SHROOM3: variants seen among roughly 807,000 people sequenced by gnomAD.
SHROOM3 encodes shroom family member 3, also known as protein Shroom3.
Under a neutral mutation model 138.6 loss-of-function variants are expected in SHROOM3, and 47 were observed. That is an observed-to-expected ratio of 0.34 (90% CI 0.27 to 0.43). SHROOM3 has a LOEUF of 0.43. Ranked by LOEUF, SHROOM3 falls within the 20% of genes least tolerant of loss-of-function variation. The probability of loss-of-function intolerance (pLI) is 1.00; values close to 1 mark genes in which losing one functional copy is unlikely to be tolerated. For missense variants in SHROOM3, 2,491 were observed against 2,596.5 expected, an observed-to-expected ratio of 0.96 and a Z score of 0.88; for synonymous variants, 1,062 against 1,063.3, an observed-to-expected ratio of 1.00 and a Z score of 0.02.
chr4:76,663,260 C>T (rs754738218), intron 2 of SHROOM3, among the ~76,000 whole-genome samples: 4 of 151,984 alleles, frequency 2.6e-5, no homozygotes, highest in Non-Finnish European at 5.9e-5. Context: ...TTGGGTCTGG[C>T]ATGTTCATGC....
At chr4:76,529,547 G>A (rs1253585025) in intron 1 of SHROOM3, among the ~76,000 whole-genome samples, 4 of 151,944 alleles carry the variant, frequency 2.6e-5, no homozygotes, top group African/African-American at 7.3e-5. Flanking sequence ...GGATGGTCTC[G>A]ATCTCCTGAC....
chr4:76,523,444 G>C (rs572261165), intron 1 of SHROOM3, among the ~76,000 whole-genome samples: 2 of 152,250 alleles, frequency 1.3e-5, no homozygotes, highest in East Asian at 3.9e-4. Context: ...AGGGTGTATA[G>C]GATGGGAGCA....
Position 76,780,005 on chromosome 4 carries a change from T to C in SHROOM3, c.*828T>C, listed in dbSNP as rs1312167873. 1 of 152,276 alleles carries C rather than the reference T, an allele frequency of 6.6e-6. No individual in the cohort carries two copies. The highest frequency in any genetic ancestry group is 1.5e-5 in the Non-Finnish European group (1 of 68,044). The allele number at this position is 152,276 out of a possible 1,614,324, so 9.4% of individuals were successfully genotyped here. A position where few individuals can be genotyped will look rare whatever the true frequency, so the allele number is the denominator to read the frequency against. ...TCACTGGTGGGGAAACAAAGCTAAATTTTATTAACAAAGACAACTCTCAGA... is the reference window on the plus strand; with the variant it reads ...TCACTGGTGGGGAAACAAAGCTAAACTTTATTAACAAAGACAACTCTCAGA... On this transcript the variant is annotated 3_prime_UTR_variant, in exon 11 of 11. Transcript: ENST00000296043.
At chr4:76,690,913 A>C (rs1486860654) in intron 2 of SHROOM3, among the ~76,000 whole-genome samples, 1 of 152,220 alleles carries the variant, frequency 6.6e-6, no homozygotes, top group Non-Finnish European at 1.5e-5. Context: ...TTGACAAGGA[A>C]ATAAACTTAC....
At chr4:76,544,932 A>G (rs1180627686) in intron 1 of SHROOM3, among the ~76,000 whole-genome samples, 2 of 152,162 alleles carry the variant, frequency 1.3e-5, no homozygotes, top group Non-Finnish European at 2.9e-5. Flanking sequence ...TTGCCTCCCT[A>G]TGAAACCCTG....
At chr4:76,643,875 G>A (rs981264617) in intron 2 of SHROOM3, among the ~76,000 whole-genome samples, 13 of 151,996 alleles carry the variant, frequency 8.6e-5, no homozygotes, top group African/African-American at 3.1e-4. Context: ...ACGGAGTTTT[G>A]CTCTTGTTGC....
intron 1 of SHROOM3, among the ~76,000 whole-genome samples, chr4:76,456,208 T>G (rs985261462): frequency 2.6e-5 from 4 of 152,170 alleles, no homozygotes; most frequent in African/African-American, 9.7e-5. Context: ...GGTTTCACCA[T>G]GTTGGCCAGG....
At chr4:76,614,025 GT>G (rs1734819517) in intron 2 of SHROOM3, among the ~76,000 whole-genome samples, 1 of 132,394 alleles carries the variant, frequency 7.6e-6, no homozygotes, top group African/African-American at 2.9e-5. Context: ...CCCCTTTTTC[GT>G]TTTTTGTTTT....
chr4:76,504,416 C>T (rs1311654926), intron 1 of SHROOM3, among the ~76,000 whole-genome samples: 2 of 152,174 alleles, frequency 1.3e-5, no homozygotes, highest in African/African-American at 4.8e-5. Context: ...GCCTCGGCCT[C>T]CCAAAGTGCT....
chr4:76,580,552 G>A (rs1226986111), intron 2 of SHROOM3, among the ~76,000 whole-genome samples: 1 of 146,892 alleles, frequency 6.8e-6, no homozygotes, highest in African/African-American at 2.5e-5. Context: ...TCAGCCTCCC[G>A]AGTAGCTGGG....
At chr4:76,584,709 C>G (rs1027993242) in intron 2 of SHROOM3, among the ~76,000 whole-genome samples, 2 of 152,190 alleles carry the variant, frequency 1.3e-5, no homozygotes, top group African/African-American at 4.8e-5. Flanking sequence ...AAATGAATTG[C>G]ACGGCCTGGC....
At chr4:76,526,073 A>G (rs749485886) in intron 1 of SHROOM3, among the ~76,000 whole-genome samples, 20 of 152,228 alleles carry the variant, frequency 1.3e-4, no homozygotes, top group Non-Finnish European at 2.2e-4. Context: ...CCTGTGATAT[A>G]AAAATAAATG....
intron 4 of SHROOM3, among the ~76,000 whole-genome samples, chr4:76,733,181 A>G (rs1370945350): frequency 6.6e-6 from 1 of 152,202 alleles, no homozygotes; most frequent in Admixed American, 6.5e-5. Flanking sequence ...TGCAATCAGT[A>G]CTTAGAATGA....
chr4:76,463,496 C>A (rs1237547139), intron 1 of SHROOM3, among the ~76,000 whole-genome samples: 1 of 152,114 alleles, frequency 6.6e-6, no homozygotes, highest in Non-Finnish European at 1.5e-5. Flanking sequence ...AAAGAAAAAC[C>A]CATTTTCTGG....
At chr4:76,464,300 C>T (rs768836379) in intron 1 of SHROOM3, among the ~76,000 whole-genome samples, 13 of 152,190 alleles carry the variant, frequency 8.5e-5, no homozygotes, top group African/African-American at 2.4e-4. Context: ...TGCTGGGTTT[C>T]GCACTTGCAT....
intron 1 of SHROOM3, among the ~76,000 whole-genome samples, chr4:76,470,261 TTG>T (rs1239391435): frequency 2.0e-5 from 3 of 152,188 alleles, no homozygotes; most frequent in Admixed American, 2.0e-4. Flanking sequence ...CAAGTGAGTT[TTG>T]TGTGTGAAAG....
intron 10 of SHROOM3, among the ~76,000 whole-genome samples, chr4:76,772,260 T>A (rs1421287871): frequency 6.6e-6 from 1 of 151,954 alleles, no homozygotes; most frequent in Non-Finnish European, 1.5e-5. Context: ...CGCACCACCA[T>A]GCCCAGCTAA....
At chr4:76,681,848 G>A (rs1719210766) in intron 2 of SHROOM3, among the ~76,000 whole-genome samples, 1 of 152,056 alleles carries the variant, frequency 6.6e-6, no homozygotes, top group African/African-American at 2.4e-5. Flanking sequence ...TCCAGCCCAG[G>A]TGTACCACAC....
At chr4:76,446,842 C>A (rs1341992128) in intron 1 of SHROOM3, among the ~76,000 whole-genome samples, 1 of 152,176 alleles carries the variant, frequency 6.6e-6, no homozygotes, top group East Asian at 1.9e-4. Context: ...TTGGTTGTCC[C>A]TTTCTAGCCC....
Sources: gnomAD v4.1 joint callset for allele counts (sites outside exome capture counted in the v4.1 genomes callset) on GRCh38, gnomAD v4.1.1 for gene constraint, MANE v1.5 for transcripts, NCBI Gene and HGNC (gene_info 2026-07-23, HGNC 2026-07-21) for gene names.